The following SORCS2 variants were observed in gnomAD, a reference collection of about 807,000 sequenced individuals.
The protein encoded by SORCS2 is sortilin related VPS10 domain containing receptor 2.
A neutral mutation model predicts 141.6 loss-of-function variants in SORCS2; 100 were observed. That is an observed-to-expected ratio of 0.71 (90% CI 0.60 to 0.83). The LOEUF is 0.83. Ranked by LOEUF, SORCS2 falls within the 40% of genes least tolerant of loss-of-function variation. The probability of loss-of-function intolerance (pLI) is 0.00; values close to 1 mark genes in which losing one functional copy is unlikely to be tolerated. For synonymous variants in SORCS2, 789 were observed against 676.9 expected (o/e 1.17, Z -2.57); for missense variants, 1,646 against 1,560.2 (o/e 1.05, Z -0.93).
At chr4:7,295,014 C>G in intron 1 of SORCS2, among the ~76,000 whole-genome samples, 1 of 978 alleles carries the variant, frequency 1.0e-3, no homozygotes, top group Non-Finnish European at 2.6e-3. Flanking sequence ...TCCCTCCTCC[C>G]CCTTCTCCTC....
At chr4:7,433,662 G>A in intron 2 of SORCS2, 2 of 1,609,602 alleles carry the variant, frequency 1.2e-6, no homozygotes, top group Non-Finnish European at 1.7e-6. Context: ...AGTTGTGGGA[G>A]GACACCGTGA....
At chr4:7,386,547 CAG>C (rs1410630551) in intron 1 of SORCS2, among the ~76,000 whole-genome samples, 4 of 105,898 alleles carry the variant, frequency 3.8e-5, no homozygotes, top group South Asian at 4.1e-4. Context: ...TACAGGTACA[CAG>C]AGATACACAC....
intron 3 of SORCS2, among the ~76,000 whole-genome samples, chr4:7,599,983 C>T (rs958498809): frequency 6.6e-6 from 1 of 151,970 alleles, no homozygotes; most frequent in Non-Finnish European, 1.5e-5. Flanking sequence ...GCCACCACAA[C>T]CAGCTAATTT....
intron 21 of SORCS2, among the ~76,000 whole-genome samples, chr4:7,727,318 C>G (rs10937856): frequency 0.37 from 56,531 of 151,990 alleles, 11,204 homozygotes; most frequent in Admixed American, 0.49. Flanking sequence ...TAGAGAAACG[C>G]TGAGCCTCCT....
At chr4:7,284,714 G>A (rs4689680) in intron 1 of SORCS2, among the ~76,000 whole-genome samples, 49,828 of 152,050 alleles carry the variant, frequency 0.33, 9,132 homozygotes, top group Admixed American at 0.44. Context: ...ACTCAGGTCA[G>A]CTGGCTCCTG....
chr4:7,729,219 G>A (rs949362979), intron 22 of SORCS2, among the ~76,000 whole-genome samples: 3 of 152,162 alleles, frequency 2.0e-5, no homozygotes, highest in East Asian at 1.9e-4. Context: ...AGTGGGGCCC[G>A]GTCACAGACC....
chr4:7,445,839 C>T (rs969583610), intron 2 of SORCS2, among the ~76,000 whole-genome samples: 7 of 152,142 alleles, frequency 4.6e-5, no homozygotes, highest in African/African-American at 1.7e-4. Context: ...AGCTGCTTTT[C>T]CTGGTCAGAG....
intron 1 of SORCS2, among the ~76,000 whole-genome samples, chr4:7,356,850 G>A (rs1192211017): frequency 6.6e-6 from 1 of 152,244 alleles, no homozygotes; most frequent in Non-Finnish European, 1.5e-5. Context: ...TGGATCTCTG[G>A]AGAGGGCTCC....
intron 21 of SORCS2, among the ~76,000 whole-genome samples, chr4:7,727,788 A>T (rs1335923000): frequency 6.6e-6 from 1 of 152,192 alleles, no homozygotes; most frequent in African/African-American, 2.4e-5. Flanking sequence ...GGAGAGGTTA[A>T]AGTTTATCTC....
chr4:7,379,886 A>T (rs1017432014), intron 1 of SORCS2, among the ~76,000 whole-genome samples: 3 of 152,202 alleles, frequency 2.0e-5, no homozygotes, highest in Non-Finnish European at 4.4e-5. Context: ...TTTTTAAAAT[A>T]CTTTTCTTAA....
chr4:7,459,444 A>G (rs1729148025), intron 2 of SORCS2, among the ~76,000 whole-genome samples: 1 of 152,080 alleles, frequency 6.6e-6, no homozygotes, highest in Non-Finnish European at 1.5e-5. Flanking sequence ...CAGTTTCCTT[A>G]TCTGTAAAAT....
intron 2 of SORCS2, among the ~76,000 whole-genome samples, chr4:7,447,998 G>A (rs1439709426): frequency 2.6e-5 from 4 of 152,182 alleles, no homozygotes; most frequent in African/African-American, 9.6e-5. Flanking sequence ...CCGCTGTGCT[G>A]CCGGCCTTGA....
rs181303705 is a variant in SORCS2 at position 7,250,101 on chromosome 4, G to A, written c.480+56975G>A. 6.4e-3 allele frequency among the ~76,000 whole-genome samples: 978 copies of A among 152,298 alleles called. 11 individuals are homozygous for A. Among genetic ancestry groups the A allele is most frequent in the African/African-American group, 0.022 (896 of 41,562 alleles). On this transcript the variant is annotated intron_variant, in intron 1 of 26. Transcript: ENST00000507866. ...TACTAAAAATACAAAAATTAGCCAG[G>A]TGTGGTGGCATGCACCTGTTGTCCC...
At chr4:7,595,993 G>A (rs1174159332) in intron 3 of SORCS2, among the ~76,000 whole-genome samples, 1 of 152,092 alleles carries the variant, frequency 6.6e-6, no homozygotes, top group African/African-American at 2.4e-5. Flanking sequence ...CTGCATTCCT[G>A]CCACGGCAAC....
chr4:7,737,903 G>A (rs1206753522), intron 26 of SORCS2, among the ~76,000 whole-genome samples: 1 of 152,228 alleles, frequency 6.6e-6, no homozygotes, highest in African/African-American at 2.4e-5. Context: ...CAGGCAGTCA[G>A]CTAACCCCTC....
intron 14 of SORCS2, among the ~76,000 whole-genome samples, chr4:7,711,447 G>C (rs1260595912): frequency 6.6e-6 from 1 of 152,206 alleles, no homozygotes; most frequent in Non-Finnish European, 1.5e-5. Flanking sequence ...GACTGGAGCA[G>C]CGTGCATCAC....
chr4:7,507,426 G>A (rs1316881756), intron 2 of SORCS2, among the ~76,000 whole-genome samples: 2 of 152,100 alleles, frequency 1.3e-5, no homozygotes, highest in Non-Finnish European at 2.9e-5. Flanking sequence ...CGCCCCCCTC[G>A]GCCTCCCAAA....
At chr4:7,249,306 T>G (rs1176043289) in intron 1 of SORCS2, among the ~76,000 whole-genome samples, 1 of 152,164 alleles carries the variant, frequency 6.6e-6, no homozygotes, top group Non-Finnish European at 1.5e-5. Flanking sequence ...TGCAGCCTCT[T>G]CATGTGGCTT....
chr4:7,316,183 C>A (rs567082691), intron 1 of SORCS2, among the ~76,000 whole-genome samples: 1 of 152,072 alleles, frequency 6.6e-6, no homozygotes, highest in South Asian at 2.1e-4. Flanking sequence ...TTCACCCATT[C>A]ATCCATCCAC....
Sources: gnomAD v4.1 joint callset for allele counts (sites outside exome capture counted in the v4.1 genomes callset) on GRCh38, gnomAD v4.1.1 for gene constraint, MANE v1.5 for transcripts, NCBI Gene and HGNC (gene_info 2026-07-23, HGNC 2026-07-21) for gene names.